POU6F2: variants seen among roughly 807,000 people sequenced by gnomAD.
The protein encoded by POU6F2 is POU class 6 homeobox 2, also known as POU domain, class 6, transcription factor 2.
POU6F2 carries 31 observed loss-of-function variants against 71.3 expected under a neutral mutation model. The ratio of observed to expected loss-of-function variants is 0.43; its 90% CI spans 0.33 to 0.59. The LOEUF (loss-of-function observed/expected upper bound fraction) is 0.59, where lower values mean the gene tolerates loss of function less well. Ranked by LOEUF, POU6F2 falls within the 20% of genes least tolerant of loss-of-function variation. The pLI is 0.04. For synonymous variants in POU6F2, 347 were observed against 355.7 expected (o/e 0.98, Z 0.27); for missense variants, 783 against 856.8 (o/e 0.91, Z 1.07).
At chr7:39,183,209 G>A (rs1169414828) in intron 2 of POU6F2, among the ~76,000 whole-genome samples, 1 of 152,164 alleles carries the variant, frequency 6.6e-6, no homozygotes, top group African/African-American at 2.4e-5. Context: ...AATGCCTGAT[G>A]ATCTGAGGTG....
chr7:39,100,154 G>A (rs1278484425), intron 2 of POU6F2, among the ~76,000 whole-genome samples: 2 of 152,200 alleles, frequency 1.3e-5, no homozygotes, highest in East Asian at 1.9e-4. Flanking sequence ...AATTTTCATA[G>A]CCAATGTTTA....
chr7:39,037,372 AC>A (rs1214849240), intron 1 of POU6F2, among the ~76,000 whole-genome samples: 1 of 151,936 alleles, frequency 6.6e-6, no homozygotes, highest in African/African-American at 2.4e-5. Context: ...ACTCAGCAGC[AC>A]CCTGGGTCTC....
At chr7:39,216,026 A>C (rs1794236234) in intron 4 of POU6F2, among the ~76,000 whole-genome samples, 1 of 152,220 alleles carries the variant, frequency 6.6e-6, no homozygotes, top group South Asian at 2.1e-4. Flanking sequence ...CCAGAACTGC[A>C]GTGGCTCTTA....
At chr7:39,316,172 G>C (rs1311859415) in intron 4 of POU6F2, among the ~76,000 whole-genome samples, 1 of 152,088 alleles carries the variant, frequency 6.6e-6, no homozygotes, top group East Asian at 1.9e-4. Context: ...CTATTGACAG[G>C]GTTCAATATT....
At chr7:38,995,116 A>G (rs1788702260) in intron 1 of POU6F2, among the ~76,000 whole-genome samples, 1 of 152,238 alleles carries the variant, frequency 6.6e-6, no homozygotes, top group African/African-American at 2.4e-5. Context: ...TGTCTTCTTC[A>G]TAGCTCAATG....
chr7:39,115,215 C>T (rs1402487097), intron 2 of POU6F2, among the ~76,000 whole-genome samples: 3 of 152,188 alleles, frequency 2.0e-5, no homozygotes, highest in Non-Finnish European at 4.4e-5. Context: ...CCTCATCTCT[C>T]TTCCAGTGAT....
chr7:39,246,527 C>T (rs970303499), intron 4 of POU6F2, among the ~76,000 whole-genome samples: 1 of 152,058 alleles, frequency 6.6e-6, no homozygotes, highest in Non-Finnish European at 1.5e-5. Flanking sequence ...CAACCCCAGC[C>T]CTCCTTTGAC....
intron 5 of POU6F2, among the ~76,000 whole-genome samples, chr7:39,377,050 GTTTAA>G (rs1238919226): frequency 6.8e-6 from 1 of 147,512 alleles, no homozygotes; most frequent in Non-Finnish European, 1.5e-5. Flanking sequence ...AAAATCAATT[GTTTAA>G]TTTATATAAT....
intron 6 of POU6F2, among the ~76,000 whole-genome samples, chr7:39,432,538 C>T (rs76438568): frequency 0.032 from 4,854 of 152,214 alleles, 214 homozygotes; most frequent in African/African-American, 0.098. Context: ...ACTGTGAACA[C>T]CAGGGTGTGT....
At chr7:39,249,813 G>A (rs1003788431) in intron 4 of POU6F2, among the ~76,000 whole-genome samples, 1 of 152,154 alleles carries the variant, frequency 6.6e-6, no homozygotes, top group Non-Finnish European at 1.5e-5. Flanking sequence ...TGCTTTTAGT[G>A]TCAGTCAGAG....
intron 1 of POU6F2, among the ~76,000 whole-genome samples, chr7:39,026,417 G>T (rs1237517855): frequency 6.6e-6 from 1 of 152,188 alleles, no homozygotes; most frequent in Middle Eastern, 3.4e-3. Flanking sequence ...ATCCTATGCA[G>T]CCATAAAAAA....
intron 4 of POU6F2, among the ~76,000 whole-genome samples, chr7:39,279,126 C>T (rs1047481619): frequency 6.6e-6 from 1 of 152,130 alleles, no homozygotes; most frequent in Admixed American, 6.5e-5. Context: ...GCCACTCTTG[C>T]CAATCTCACC....
At chr7:39,286,445 A>G (rs1784650842) in intron 4 of POU6F2, among the ~76,000 whole-genome samples, 1 of 152,212 alleles carries the variant, frequency 6.6e-6, no homozygotes, top group Non-Finnish European at 1.5e-5. Flanking sequence ...CTGTCAAATT[A>G]AGGGGCAGAA....
At chr7:39,391,023 T>C (rs181247305) in intron 5 of POU6F2, among the ~76,000 whole-genome samples, 227 of 152,334 alleles carry the variant, frequency 1.5e-3, no homozygotes, top group African/African-American at 5.2e-3. Flanking sequence ...ACCTTGAGGA[T>C]TGCTGTAATT....
At chr7:39,188,551 A>G (rs1050973785) in intron 2 of POU6F2, among the ~76,000 whole-genome samples, 2 of 152,096 alleles carry the variant, frequency 1.3e-5, no homozygotes, top group African/African-American at 2.4e-5. Flanking sequence ...GGCCTCAAGT[A>G]ATCCACCCAC....
At chr7:38,978,192 G>A (rs1788229056) in intron 1 of POU6F2, 134 bp downstream of exon 1, 1 of 152,142 alleles carries the variant, frequency 6.6e-6, no homozygotes, top group African/African-American at 2.4e-5. Context: ...CTGAAAGTGC[G>A]AAAGGCAAAA....
At chr7:39,421,693 G>GTTGT (rs559348508) in intron 6 of POU6F2, among the ~76,000 whole-genome samples, 154 of 152,134 alleles carry the variant, frequency 1.0e-3, no homozygotes, top group African/African-American at 3.3e-3. Context: ...TTTTGTTGTT[G>GTTGT]TTGTTTGTTT....
intron 1 of POU6F2, among the ~76,000 whole-genome samples, chr7:39,060,050 A>C (rs190154855): frequency 1.6e-3 from 242 of 152,306 alleles, no homozygotes; most frequent in African/African-American, 5.7e-3. Context: ...TCTACTAAAA[A>C]TACAAAAATT....
intron 2 of POU6F2, among the ~76,000 whole-genome samples, chr7:39,203,214 G>A (rs926222204): frequency 4.9e-4 from 74 of 152,200 alleles, no homozygotes; most frequent in African/African-American, 1.7e-3. Context: ...ATTTATAAGT[G>A]TGACAGAGTC....
Sources: gnomAD v4.1 joint callset for allele counts (sites outside exome capture counted in the v4.1 genomes callset) on GRCh38, gnomAD v4.1.1 for gene constraint, MANE v1.5 for transcripts, NCBI Gene and HGNC (gene_info 2026-07-23, HGNC 2026-07-21) for gene names.